ERBB4: variants seen among roughly 807,000 people sequenced by gnomAD.
ERBB4 encodes the protein receptor tyrosine-protein kinase erbB-4.
A neutral mutation model predicts 158.0 loss-of-function variants in ERBB4; 42 were observed. The ratio of observed to expected loss-of-function variants is 0.27; its 90% CI spans 0.21 to 0.34. ERBB4 has a LOEUF of 0.34. Ranked by LOEUF, ERBB4 falls within the 10% of genes least tolerant of loss-of-function variation. The pLI is 1.00. For synonymous variants in ERBB4, 583 were observed against 558.7 expected, an observed-to-expected ratio of 1.04 and a Z score of -0.61; for missense variants, 1,333 against 1,624.1, an observed-to-expected ratio of 0.82 and a Z score of 3.08.
At chr2:211,726,348 C>G (rs1457216646) in intron 5 of ERBB4, among the ~76,000 whole-genome samples, 2 of 152,102 alleles carry the variant, frequency 1.3e-5, no homozygotes, top group African/African-American at 2.4e-5. Context: ...GAATTGAGTT[C>G]TCTGTGGAGC....
intron 1 of ERBB4, among the ~76,000 whole-genome samples, chr2:212,373,775 ATG>A (rs199617615): frequency 0.015 from 1,754 of 116,856 alleles, 137 homozygotes; most frequent in African/African-American, 0.047. Flanking sequence ...GTATATATCC[ATG>A]TATATATCCA....
chr2:211,497,627 C>T (rs13005140), intron 20 of ERBB4, among the ~76,000 whole-genome samples: 45,184 of 151,912 alleles, frequency 0.3, 7,047 homozygotes, highest in East Asian at 0.38. Context: ...CAGGCACATA[C>T]ATTGAGTTTA....
At chr2:211,994,399 T>A (rs1249741020) in intron 2 of ERBB4, among the ~76,000 whole-genome samples, 4 of 152,272 alleles carry the variant, frequency 2.6e-5, no homozygotes, top group Non-Finnish European at 5.9e-5. Flanking sequence ...TCCCAAAGCA[T>A]TAGGATCACA....
intron 20 of ERBB4, among the ~76,000 whole-genome samples, chr2:211,515,913 T>TATATATATATATATATATATATACATATA (rs71054105): frequency 5.2e-5 from 3 of 57,376 alleles, no homozygotes; most frequent in East Asian, 3.6e-4. Flanking sequence ...TATATATATA[T>TATATATATATATATATATATATACATATA]TTTTTTTTTT....
At chr2:211,580,196 AAC>A (rs2068024520) in intron 19 of ERBB4, among the ~76,000 whole-genome samples, 2 of 152,198 alleles carry the variant, frequency 1.3e-5, no homozygotes, top group Admixed American at 6.5e-5. Context: ...TTTAAGGAAA[AAC>A]ACAGTTGAAA....
intron 19 of ERBB4, among the ~76,000 whole-genome samples, chr2:211,589,017 A>G (rs540730848): frequency 3.3e-5 from 5 of 152,160 alleles, no homozygotes; most frequent in African/African-American, 7.2e-5. Context: ...ACAAGAAGAA[A>G]ATAAATATAA....
intron 1 of ERBB4, among the ~76,000 whole-genome samples, chr2:212,515,848 C>T (rs1171403596): frequency 1.3e-5 from 2 of 151,934 alleles, no homozygotes; most frequent in Admixed American, 6.6e-5. Flanking sequence ...CTGAGGAAAT[C>T]ATAATTACCT....
At position 211,760,288 on chromosome 2, in the gene ERBB4, C is replaced by T. The variant is rs776324298; in HGVS notation, c.557-9584G>A. ...TGATGTGCTAATTGGCCTGGATTGACGTCCTAGCTCCAGGAGTGTGCCAAA... is the reference window on the plus strand; with the variant it reads ...TGATGTGCTAATTGGCCTGGATTGATGTCCTAGCTCCAGGAGTGTGCCAAA... On this transcript the variant is annotated intron_variant, in intron 4 of 27. Coordinates refer to ENST00000342788, the MANE Select transcript of ERBB4 (RefSeq NM_005235.3). Among the ~76,000 whole-genome samples, 11 of 152,312 alleles carry T rather than the reference C, an allele frequency of 7.2e-5. No homozygotes were observed. In the East Asian group the frequency reaches 2.1e-3, roughly 29 times the overall value.
chr2:211,393,199 T>C (rs531401939), intron 25 of ERBB4, among the ~76,000 whole-genome samples: 1 of 152,332 alleles, frequency 6.6e-6, no homozygotes, highest in Non-Finnish European at 1.5e-5. Context: ...GATGAATACA[T>C]GATAACTCTT....
chr2:212,382,234 T>C (rs1333412439), intron 1 of ERBB4, among the ~76,000 whole-genome samples: 1 of 149,698 alleles, frequency 6.7e-6, no homozygotes, highest in African/African-American at 2.4e-5. Flanking sequence ...CATACATATA[T>C]ATACACATTA....
At chr2:212,419,636 T>A (rs1198324992) in intron 1 of ERBB4, among the ~76,000 whole-genome samples, 1 of 151,894 alleles carries the variant, frequency 6.6e-6, no homozygotes, top group Non-Finnish European at 1.5e-5. Flanking sequence ...GTAATTTAAT[T>A]GATTCACTTA....
intron 2 of ERBB4, among the ~76,000 whole-genome samples, chr2:212,099,792 T>C (rs1411746199): frequency 2.0e-5 from 3 of 151,840 alleles, no homozygotes; most frequent in Non-Finnish European, 4.4e-5. Flanking sequence ...TAAAGTTCTC[T>C]CTCTCTCCCT....
rs534786539 is a variant in ERBB4, at chr2:212,531,720, G to A, written c.82+6729C>T. Among the ~76,000 whole-genome samples the A allele has an allele frequency of 2.6e-5, 4 of 151,670 alleles. No homozygotes were observed. In the South Asian group the frequency reaches 6.2e-4, roughly 24 times the overall value. ...TGACTGGACATCTTCATAAAGCCCA[G>A]GTTAAAAAAAAACAAAAAGAAAGAA... On this transcript the variant is annotated intron_variant, in intron 1 of 27. Transcript: ENST00000342788.
chr2:211,480,996 A>G (rs974062656), intron 20 of ERBB4, among the ~76,000 whole-genome samples: 2 of 152,332 alleles, frequency 1.3e-5, no homozygotes, highest in African/African-American at 4.8e-5. Context: ...ATATATCAGC[A>G]TGACATAACT....
At chr2:211,757,218 A>G (rs1362635841) in intron 4 of ERBB4, among the ~76,000 whole-genome samples, 1 of 152,154 alleles carries the variant, frequency 6.6e-6, no homozygotes, top group South Asian at 2.1e-4. Flanking sequence ...TCCAGTCTCA[A>G]TTCAATTTTC....
rs1178175287 is a variant in ERBB4, at chr2:212,345,754, A to G, written c.82+192695T>C. 3.9e-5 allele frequency among the ~76,000 whole-genome samples: 6 copies of G among 152,308 alleles called. No individual in the cohort carries two copies. The East Asian group carries it at 1.2e-3, about 29-fold the overall frequency. ...TTATCAAAGTTGATTTTAACTGGCT[A>G]ATTTAAATCATTATATGTAAATTTA... On this transcript the variant is annotated intron_variant, in intron 1 of 27. Transcript: ENST00000342788.
chr2:211,803,817 C>T (rs1002827602), intron 3 of ERBB4, among the ~76,000 whole-genome samples: 1 of 152,164 alleles, frequency 6.6e-6, no homozygotes, highest in African/African-American at 2.4e-5. Flanking sequence ...GAGATATGCT[C>T]TCATGGAACT....
intron 2 of ERBB4, among the ~76,000 whole-genome samples, chr2:212,095,604 T>A (rs1195537720): frequency 6.6e-6 from 1 of 152,138 alleles, no homozygotes; most frequent in African/African-American, 2.4e-5. Context: ...CATGTGAGTA[T>A]CAGAATACAG....
intron 2 of ERBB4, among the ~76,000 whole-genome samples, chr2:212,068,897 T>G: frequency 6.6e-6 from 1 of 152,168 alleles, no homozygotes; most frequent in African/African-American, 2.4e-5. Flanking sequence ...ATCTATACAC[T>G]TTTTATCTAA....
Sources: allele counts gnomAD v4.1 joint callset (sites outside exome capture counted in the v4.1 genomes callset), GRCh38; gene constraint gnomAD v4.1.1; transcripts MANE v1.5; gene names NCBI Gene and HGNC (gene_info 2026-07-23, HGNC 2026-07-21).